GNAL: variants seen among roughly 807,000 people sequenced by gnomAD.
The protein encoded by GNAL is guanine nucleotide-binding protein G(olf) subunit alpha.
GNAL carries 18 observed loss-of-function variants against 55.1 expected under a neutral mutation model. The observed-to-expected ratio is 0.33, with a 90% confidence interval of 0.23 to 0.48. GNAL has a LOEUF of 0.48. Among genes scored for constraint, GNAL ranks in the 20% least tolerant of loss-of-function variants. GNAL has a pLI of 0.99. For missense variants in GNAL, 412 were observed against 614.1 expected (o/e 0.67, Z 3.48); for synonymous variants, 253 against 237.0 (o/e 1.07, Z -0.62).
At chr18:11,709,096 C>G (rs921723660) in intron 1 of GNAL, among the ~76,000 whole-genome samples, 1 of 152,136 alleles carries the variant, frequency 6.6e-6, no homozygotes, top group Non-Finnish European at 1.5e-5. Context: ...GCACTCTTGT[C>G]AAAGATCAAT....
chr18:11,772,655 T>C (rs2033668395), intron 4 of GNAL, among the ~76,000 whole-genome samples: 1 of 152,188 alleles, frequency 6.6e-6, no homozygotes, highest in African/African-American at 2.4e-5. Context: ...TCCAGGGTCA[T>C]CCAGATGTGC....
At position 11,884,977 on chromosome 18, in the gene GNAL, G is replaced by A. The variant is rs529104144; in HGVS notation, c.*3842G>A. On this transcript the variant is annotated 3_prime_UTR_variant, in exon 12 of 12. Coordinates refer to ENST00000334049, the MANE Select transcript of GNAL (RefSeq NM_182978.4). The stretch of plus-strand genomic sequence containing the variant: ...GGCACCGTGGAGTTCCAGGGTCATC[G>A]GTCAGCGAGGAACAAGGAGGGAAAG... The A allele has an allele frequency of 4.4e-4, 578 of 1,302,840 alleles. 12 individuals are homozygous for A. The South Asian group carries it at 6.7e-3, about 15-fold the overall frequency. The allele number at this position is 1,302,840 out of a possible 1,614,324, so 80.7% of individuals were successfully genotyped here.
At chr18:11,776,278 C>T (rs576803189) in intron 4 of GNAL, among the ~76,000 whole-genome samples, 2 of 152,294 alleles carry the variant, frequency 1.3e-5, no homozygotes, top group East Asian at 3.9e-4. Context: ...AAGATTTCAA[C>T]TTGCTTATTA....
At chr18:11,753,580 T>G (rs1312276814) in intron 2 of GNAL, 48 bp from the exon 3 acceptor site, 1 of 1,137,702 alleles carries the variant, frequency 8.8e-7, no homozygotes, top group Non-Finnish European at 1.3e-6. Context: ...TTGATTGGAA[T>G]CAGTGCTAAG....
At chr18:11,841,089 G>A (rs943393442) in intron 5 of GNAL, among the ~76,000 whole-genome samples, 3 of 151,802 alleles carry the variant, frequency 2.0e-5, no homozygotes, top group African/African-American at 7.3e-5. Flanking sequence ...GCCCAGGCTG[G>A]TCTTGAACTC....
At chr18:11,741,603 T>A (rs1208898134) in intron 1 of GNAL, among the ~76,000 whole-genome samples, 1 of 152,212 alleles carries the variant, frequency 6.6e-6, no homozygotes, top group Non-Finnish European at 1.5e-5. Flanking sequence ...CATGGAAGTG[T>A]GCTAGATGTA....
intron 4 of GNAL, among the ~76,000 whole-genome samples, chr18:11,768,651 T>G (rs1474415424): frequency 1.4e-5 from 2 of 147,266 alleles, no homozygotes; most frequent in South Asian, 4.3e-4. Context: ...TCCCAACACT[T>G]TGGGAGGCCG....
intron 4 of GNAL, among the ~76,000 whole-genome samples, chr18:11,791,899 CACAGGTGTCTCCCCTGGT>C (rs566032794): frequency 1.3e-5 from 2 of 152,182 alleles, no homozygotes. Flanking sequence ...CCTCACCTCT[CACAGGTGTCTCCCCTGGT>C]ACAGGTGTCT....
Position 11,751,523 on chromosome 18 carries a change from GA to G in GNAL, c.377-1329del. ...CGGTGTGACTGGTGAGCCTCGGAGG[GA>G]TCCTCCTCCCTGCTAGAATATGCAT... On this transcript the variant is annotated intron_variant, in intron 1 of 11. Coordinates refer to ENST00000334049, the MANE Select transcript of GNAL (RefSeq NM_182978.4). The surrounding 1 kb of genome is among the most constrained non-coding windows in gnomAD (Gnocchi z 4.5). The G allele has an allele frequency of 1.0e-6, 1 of 985,504 alleles. No individual in the cohort carries two copies. The highest frequency in any genetic ancestry group is 1.2e-6 in the Non-Finnish European group (1 of 829,986). 61.0% of individuals were successfully genotyped at this position (985,504 alleles called of 1,614,324 possible).
At chr18:11,714,386 G>C (rs898560609) in intron 1 of GNAL, among the ~76,000 whole-genome samples, 5 of 152,198 alleles carry the variant, frequency 3.3e-5, no homozygotes. Context: ...GGGACAGTAG[G>C]TGCTGAGGTG....
chr18:11,838,463 C>G (rs2035544379), intron 5 of GNAL, among the ~76,000 whole-genome samples: 1 of 152,140 alleles, frequency 6.6e-6, no homozygotes. Context: ...TGAAAATGTT[C>G]TAAAAGTGAT....
At chr18:11,712,223 C>G (rs1026669946) in intron 1 of GNAL, among the ~76,000 whole-genome samples, 1 of 152,102 alleles carries the variant, frequency 6.6e-6, no homozygotes, top group African/African-American at 2.4e-5. Flanking sequence ...ATAAATTGGT[C>G]CCTTGGGCAA....
chr18:11,765,504 A>G (rs892818509), intron 4 of GNAL, among the ~76,000 whole-genome samples: 1 of 152,144 alleles, frequency 6.6e-6, no homozygotes, highest in African/African-American at 2.4e-5. Flanking sequence ...TCAATACTGT[A>G]TCTTATTCCT....
chr18:11,740,067 C>CTATTTATTTATT (rs113737026), intron 1 of GNAL, among the ~76,000 whole-genome samples: 33 of 151,964 alleles, frequency 2.2e-4, no homozygotes, highest in African/African-American at 6.3e-4. Flanking sequence ...CCTCCCTTTT[C>CTATTTATTTATT]TATTTATGTA....
At chr18:11,846,970 A>AAT (rs919421734) in intron 5 of GNAL, among the ~76,000 whole-genome samples, 2 of 151,788 alleles carry the variant, frequency 1.3e-5, no homozygotes, top group Non-Finnish European at 2.9e-5. Flanking sequence ...TGCAGAGGAA[A>AAT]ATATATATAT....
intron 1 of GNAL, among the ~76,000 whole-genome samples, chr18:11,692,441 C>G (rs1477941): frequency 0.23 from 34,725 of 152,192 alleles, 8,002 homozygotes; most frequent in African/African-American, 0.6. Context: ...GCTCTCCCCT[C>G]CAGTGCTCAC....
chr18:11,764,604 T>A (rs1193196081), intron 4 of GNAL, among the ~76,000 whole-genome samples: 1 of 152,160 alleles, frequency 6.6e-6, no homozygotes, highest in East Asian at 1.9e-4. Flanking sequence ...TCCAGGAGTT[T>A]GAGAGACAAG....
Position 11,751,114 on chromosome 18 carries a change from C to T in GNAL, c.377-1739C>T, listed in dbSNP as rs910354076. Among the ~76,000 whole-genome samples the T allele has an allele frequency of 4.6e-5, 7 of 152,114 alleles. No homozygotes were observed. Among genetic ancestry groups the T allele is most frequent in the African/African-American group, 1.7e-4 (7 of 41,394 alleles). ...AGCTGAGCAAAGGCAAGTTAGACAG[C>T]GCAGCGCCAAGCCCGAGACGGTCAA... is the stretch of plus-strand genomic sequence containing the variant. On this transcript the variant is annotated intron_variant, in intron 1 of 11. Transcript: ENST00000334049. This position sits in a 1 kb window ranked among gnomAD's most constrained non-coding sequence, Gnocchi z 4.5.
chr18:11,822,820 CT>C (rs56128456), intron 4 of GNAL, among the ~76,000 whole-genome samples: 20,452 of 136,752 alleles, frequency 0.15, 1,308 homozygotes, highest in East Asian at 0.26. Context: ...TTTTTTTTTT[CT>C]TTTTTTTTTT....
Sources: gnomAD v4.1 joint callset for allele counts (sites outside exome capture counted in the v4.1 genomes callset) on GRCh38, gnomAD v4.1.1 for gene constraint, Gnocchi (gnomAD v3.1) non-coding constraint, MANE v1.5 for transcripts, NCBI Gene and HGNC (gene_info 2026-07-23, HGNC 2026-07-21) for gene names.